Variants in HECTD4 observed in about 807,000 individuals in gnomAD.
HECTD4 encodes probable E3 ubiquitin-protein ligase HECTD4.
HECTD4 carries 114 observed loss-of-function variants against 471.5 expected under a neutral mutation model. That is an observed-to-expected ratio of 0.24 (90% confidence interval 0.21 to 0.28). The LOEUF (loss-of-function observed/expected upper bound fraction) is 0.28, where lower values mean the gene tolerates loss of function less well. Ranked by LOEUF, HECTD4 falls within the 10% of genes least tolerant of loss-of-function variation. The pLI, the probability that HECTD4 is intolerant of heterozygous loss-of-function variation, is 1.00. For synonymous variants in HECTD4, 2,012 were observed against 2,256.0 expected, an observed-to-expected ratio of 0.89 and a Z score of 3.07; for missense variants, 3,866 against 5,651.5, an observed-to-expected ratio of 0.68 and a Z score of 10.13.
Position 112,252,543 on chromosome 12 carries a change from A to C in HECTD4, c.3448-15T>G, listed in dbSNP as rs781482122. 1 of 1,601,912 alleles carries C rather than the reference A, an allele frequency of 6.2e-7. No individual in the cohort carries two copies. The highest frequency in any genetic ancestry group is 8.5e-7 in the Non-Finnish European group (1 of 1,175,808). On this transcript the variant is annotated splice_polypyrimidine_tract_variant and intron_variant, in intron 22 of 75. Transcript: ENST00000682272. ...TCTCCTTCCACCTTAAAATTTAAGG[A>C]AGGGGGGGAAATGCACTTTAAAAAC...
intron 52 of HECTD4, 29 bp downstream of exon 52, chr12:112,207,845 C>A (rs910910186): frequency 2.5e-6 from 4 of 1,609,654 alleles, no homozygotes; most frequent in South Asian, 1.1e-5. Flanking sequence ...CATGAAGTAA[C>A]CTCCTTAGCA....
chr12:112,303,862 T>G (rs200039296), intron 7 of HECTD4, among the ~76,000 whole-genome samples: 10 of 113,962 alleles, frequency 8.8e-5, no homozygotes, highest in Middle Eastern at 4.5e-3. Flanking sequence ...TCTCTCAAAA[T>G]AAAAAAAAAA....
chr12:112,192,991 G>T, intron 58 of HECTD4, 70 bp downstream of exon 58: 1 of 1,568,554 alleles, frequency 6.4e-7, no homozygotes, highest in South Asian at 1.2e-5. Context: ...TTTTTTCCTT[G>T]GCCAGTTTCA....
At position 112,322,355 on chromosome 12, in the gene HECTD4, G is replaced by A. The variant is rs571975326; in HGVS notation, c.178-2613C>T. The A allele has an allele frequency of 2.4e-3, 358 of 152,216 alleles. 4 individuals are homozygous for A. The highest frequency in any genetic ancestry group is 2.0e-3 in the Non-Finnish European group (135 of 68,188). 9.4% of individuals were successfully genotyped at this position (152,216 alleles called of 1,614,324 possible). On this transcript the variant is annotated intron_variant, in intron 1 of 75. Transcript: ENST00000682272. ...CAGTGCACTCCAGCCTGGGTGACAG[G>A]GGGAGACCCTGTCTCAAAAAAGAAA...
chr12:112,382,363 C>T lies in HECTD4; in HGVS notation c.-235G>A, dbSNP rs1413843855. ...CCGCCGCCGCCGCCGCCGCCGCCCT[C>T]AGGAGCAGGATCCGCCTCTGCCGCT... On this transcript the variant is annotated 5_prime_UTR_variant, in exon 1 of 76. Coordinates refer to ENST00000682272, the MANE Select transcript of HECTD4 (RefSeq NM_001388303.1). 3 of 385,050 alleles carry T rather than the reference C, an allele frequency of 7.8e-6. No individual in the cohort carries two copies. Among genetic ancestry groups the T allele is most frequent in the East Asian group, 1.2e-4 (2 of 16,770 alleles). 23.9% of individuals were successfully genotyped at this position (385,050 alleles called of 1,614,324 possible).
intron 1 of HECTD4, chr12:112,321,619 T>C (rs2035585218): frequency 6.6e-6 from 1 of 152,162 alleles, no homozygotes; most frequent in African/African-American, 2.4e-5. Flanking sequence ...ACTGGAAAAA[T>C]ACTCTTTTAT....
At chr12:112,318,524 C>T (rs1343092476) in intron 2 of HECTD4, among the ~76,000 whole-genome samples, 1 of 152,104 alleles carries the variant, frequency 6.6e-6, no homozygotes, top group African/African-American at 2.4e-5. Context: ...CAGGCACCCA[C>T]CACAACGCCC....
chr12:112,316,350 A>C (rs931575920), intron 2 of HECTD4, among the ~76,000 whole-genome samples: 16 of 152,106 alleles, frequency 1.1e-4, no homozygotes, highest in Non-Finnish European at 1.9e-4. Flanking sequence ...CTCCACAGTC[A>C]TTCTCTATCA....
At chr12:112,339,088 C>T (rs1180290152) in intron 1 of HECTD4, among the ~76,000 whole-genome samples, 1 of 151,978 alleles carries the variant, frequency 6.6e-6, no homozygotes, top group Non-Finnish European at 1.5e-5. Context: ...TAGGTAATTC[C>T]CTATAGAAAT....
Position 112,243,709 on chromosome 12 carries a change from G to C in HECTD4, c.4702C>G (p.Leu1568Val), listed in dbSNP as rs1230525145. The change falls in exon 31 of 76, where the codon CTG becomes GTG. Residue 1568 changes from leucine to valine, a missense_variant. Around this residue, in one of 16 missense-constraint regions of HECTD4, gnomAD observed 229 missense variants for 386.4 expected, o/e 0.59. Transcript: ENST00000682272. The surrounding 1 kb of genome is among the most constrained non-coding windows in gnomAD (Gnocchi z 6.6). ...TTGTCCCTGCTGTCCTCAATGGCCA[G>C]CGACTGCAGGAGTGTAAAGGAGCTG... ...RSSSFTLLQS[L>V]AIEDSRDKPT... 1 of 1,613,954 alleles carries C rather than the reference G, an allele frequency of 6.2e-7. No homozygotes were observed.
intron 67 of HECTD4, 90 bp from the exon 68 acceptor site, chr12:112,171,353 A>C: frequency 6.5e-7 from 1 of 1,526,892 alleles, no homozygotes; most frequent in African/African-American, 1.4e-5. Flanking sequence ...TATCACTGCG[A>C]ACAGGATTGG....
At chr12:112,212,073 G>A (rs1240809484) in intron 49 of HECTD4, among the ~76,000 whole-genome samples, 1 of 152,180 alleles carries the variant, frequency 6.6e-6, no homozygotes, top group Non-Finnish European at 1.5e-5. Context: ...ATATGTATGA[G>A]GATGCTGGTT....
chr12:112,300,451 AT>A (rs1232427589), intron 7 of HECTD4, among the ~76,000 whole-genome samples: 1 of 152,012 alleles, frequency 6.6e-6, no homozygotes, highest in East Asian at 1.9e-4. Flanking sequence ...TTTGTATATT[AT>A]TTTTTTACAT....
intron 64 of HECTD4, among the ~76,000 whole-genome samples, chr12:112,177,377 ATTTT>A (rs766400935): frequency 1.6e-5 from 2 of 127,268 alleles, no homozygotes; most frequent in Non-Finnish European, 1.7e-5. Flanking sequence ...TTATGAGGCT[ATTTT>A]TTTTTTTTTT....
intron 16 of HECTD4, among the ~76,000 whole-genome samples, chr12:112,264,752 G>C (rs774493709): frequency 6.6e-5 from 10 of 152,056 alleles, no homozygotes; most frequent in Middle Eastern, 3.2e-3. Flanking sequence ...AGTAATCCAC[G>C]GACTTTCATA....
rs114866387 is a variant in HECTD4 at position 112,175,895 on chromosome 12, G to A, written c.11471-36C>T. 630 of 1,610,628 alleles carry A rather than the reference G, an allele frequency of 3.9e-4. 3 individuals carry two copies. In the African/African-American group the frequency reaches 7.4e-3, roughly 19 times the overall value. On this transcript the variant is annotated intron_variant, in intron 65 of 75. Coordinates refer to ENST00000682272, the MANE Select transcript of HECTD4 (RefSeq NM_001388303.1). The stretch of plus-strand genomic sequence containing the variant: ...GGGTTCAGTGTGAGGAATCTGGTGA[G>A]ACCTGCGCACATCGCGCGCCTCCAA...
rs1475094493 is a variant in HECTD4, at chr12:112,219,508, G to A, written c.6971-19C>T. 4 of 1,586,528 alleles carry A rather than the reference G, an allele frequency of 2.5e-6. No individual in the cohort carries two copies. Among genetic ancestry groups the A allele is most frequent in the African/African-American group, 1.3e-5 (1 of 74,244 alleles). On this transcript the variant is annotated intron_variant, in intron 44 of 75. Coordinates refer to ENST00000682272, the MANE Select transcript of HECTD4 (RefSeq NM_001388303.1). ...CGCTCTCCTGTAGAGGGCACATGTT[G>A]AATCTGTGAAAACAACTCCCGCAAC...
intron 1 of HECTD4, among the ~76,000 whole-genome samples, chr12:112,353,918 A>T (rs1392588084): frequency 6.6e-6 from 1 of 152,152 alleles, no homozygotes; most frequent in Non-Finnish European, 1.5e-5. Flanking sequence ...GATTAATAAT[A>T]GTGGTTTTTA....
intron 41 of HECTD4, 67 bp downstream of exon 41, chr12:112,229,631 T>C (rs1468486754): frequency 2.1e-6 from 3 of 1,437,678 alleles, no homozygotes; most frequent in African/African-American, 2.8e-5. Context: ...TTACAGATGA[T>C]CAATTAATTA....
Sources: gnomAD v4.1 joint callset for allele counts (sites outside exome capture counted in the v4.1 genomes callset) on GRCh38, gnomAD v4.1.1 for gene constraint, gnomAD v4.1.1 regional missense constraint, Gnocchi (gnomAD v3.1) non-coding constraint, MANE v1.5 for transcripts, NCBI Gene and HGNC (gene_info 2026-07-23, HGNC 2026-07-21) for gene names.